Variants in ADAM23 observed in about 807,000 individuals in gnomAD.
ADAM23 encodes disintegrin and metalloproteinase domain-containing protein 23.
A neutral mutation model predicts 120.1 loss-of-function variants in ADAM23; 33 were observed. That is an observed-to-expected ratio of 0.27 (90% CI 0.21 to 0.37). ADAM23 has a LOEUF of 0.37. Among genes scored for constraint, ADAM23 ranks in the 10% least tolerant of loss-of-function variants. The pLI is 1.00. For synonymous variants in ADAM23, 367 were observed against 375.2 expected (o/e 0.98, Z 0.25); for missense variants, 862 against 1,058.2 (o/e 0.81, Z 2.57).
intron 18 of ADAM23, among the ~76,000 whole-genome samples, chr2:206,579,645 T>A (rs770322384): frequency 7.9e-5 from 12 of 152,242 alleles, no homozygotes; most frequent in Admixed American, 6.5e-4. Flanking sequence ...TACAGTATAG[T>A]TTGAAATCAG....
chr2:206,607,651 A>G (rs935511029), intron 24 of ADAM23, among the ~76,000 whole-genome samples: 1 of 152,140 alleles, frequency 6.6e-6, no homozygotes, highest in Non-Finnish European at 1.5e-5. Context: ...AAGTCTGTGT[A>G]AGTGTATGTA....
chr2:206,529,494 G>T (rs1697007746), intron 3 of ADAM23, among the ~76,000 whole-genome samples: 1 of 152,050 alleles, frequency 6.6e-6, no homozygotes, highest in Admixed American at 6.6e-5. Flanking sequence ...GATCTTCTGG[G>T]CTCAAGCAAT....
At chr2:206,596,770 A>G (rs924790670) in intron 24 of ADAM23, among the ~76,000 whole-genome samples, 5 of 152,164 alleles carry the variant, frequency 3.3e-5, no homozygotes, top group African/African-American at 1.2e-4. Context: ...CGCAGATGAG[A>G]AGGCCCAGAC....
intron 3 of ADAM23, among the ~76,000 whole-genome samples, chr2:206,514,062 G>A (rs181149385): frequency 2.9e-4 from 44 of 152,296 alleles, no homozygotes; most frequent in Admixed American, 2.6e-3. Flanking sequence ...GGAGATGTAC[G>A]AGGTTAATGT....
chr2:206,467,268 T>C (rs1294982901), intron 2 of ADAM23, among the ~76,000 whole-genome samples: 1 of 152,206 alleles, frequency 6.6e-6, no homozygotes, highest in Non-Finnish European at 1.5e-5. Context: ...CAAAGTCTTT[T>C]CTGAGATAAC....
At chr2:206,502,853 T>G (rs2105894692) in intron 3 of ADAM23, among the ~76,000 whole-genome samples, 1 of 152,316 alleles carries the variant, frequency 6.6e-6, no homozygotes, top group African/African-American at 2.4e-5. Flanking sequence ...AAGGTCTGTC[T>G]GTAAACCTGT....
At chr2:206,486,403 C>A (rs2105882067) in intron 3 of ADAM23, among the ~76,000 whole-genome samples, 1 of 150,922 alleles carries the variant, frequency 6.6e-6, no homozygotes, top group African/African-American at 2.4e-5. Flanking sequence ...TTATTATCCA[C>A]TTTATTGAGG....
chr2:206,591,102 C>G (rs943100767), intron 21 of ADAM23, among the ~76,000 whole-genome samples: 10 of 152,038 alleles, frequency 6.6e-5, no homozygotes, highest in Non-Finnish European at 1.5e-4. Context: ...GAGGCTGAGG[C>G]GAGTGGATCG....
intron 9 of ADAM23, among the ~76,000 whole-genome samples, chr2:206,556,613 T>A (rs371368482): frequency 6.6e-6 from 1 of 152,210 alleles, no homozygotes. Context: ...AAGCAAAGCG[T>A]ACTACTCCTT....
At chr2:206,505,399 G>T (rs1303967102) in intron 3 of ADAM23, among the ~76,000 whole-genome samples, 1 of 152,110 alleles carries the variant, frequency 6.6e-6, no homozygotes, top group African/African-American at 2.4e-5. Context: ...TTCTCACATG[G>T]CTATAAAGAA....
At chr2:206,561,346 A>C (rs1697761796) in intron 12 of ADAM23, 134 bp downstream of exon 12, 3 of 750,080 alleles carry the variant, frequency 4.0e-6, no homozygotes, top group Non-Finnish European at 6.7e-6. Flanking sequence ...TGTTATTAAT[A>C]AATAGAACCC....
At chr2:206,588,206 G>A (rs1456132415) in intron 20 of ADAM23, 52 bp downstream of exon 20, 2 of 1,584,772 alleles carry the variant, frequency 1.3e-6, no homozygotes, top group Admixed American at 1.7e-5. Context: ...TCTCTTAATA[G>A]TGTTCTTCTC....
intron 4 of ADAM23, 47 bp from the exon 5 acceptor site, chr2:206,542,005 A>G (rs1330319285): frequency 6.3e-7 from 1 of 1,585,580 alleles, no homozygotes; most frequent in African/African-American, 1.3e-5. Flanking sequence ...CCAAAGAATT[A>G]ATCATAATGC....
chr2:206,586,182 G>T (rs1276636293), intron 18 of ADAM23, among the ~76,000 whole-genome samples: 1 of 152,200 alleles, frequency 6.6e-6, no homozygotes, highest in Non-Finnish European at 1.5e-5. Context: ...AGCAGATCAT[G>T]TTGAGCTTGG....
Position 206,444,025 on chromosome 2 carries a change from G to GC in ADAM23, c.161dup (p.Pro55SerfsTer23). On this transcript the variant is annotated frameshift_variant, in exon 1 of 26. Coordinates refer to ENST00000264377, the MANE Select transcript of ADAM23 (RefSeq NM_003812.4). LOFTEE classifies it high-confidence loss of function. The stretch of plus-strand genomic sequence containing the variant: ...GCCTGCTTCTCGTCCTTCTCCTGCT[G>GC]CCTCCGCTCGCCGCCTCGTCCCGGC... 1.4e-6 allele frequency: 2 copies of GC among 1,411,152 alleles called. No individual in the cohort carries two copies. The highest frequency in any genetic ancestry group is 1.9e-6 in the Non-Finnish European group (2 of 1,078,990). The allele number at this position is 1,411,152 out of a possible 1,614,324, so 87.4% of individuals were successfully genotyped here. A position where few individuals can be genotyped will look rare whatever the true frequency, so the allele number is the denominator to read the frequency against.
chr2:206,461,527 G>A (rs1464861766), intron 2 of ADAM23, among the ~76,000 whole-genome samples: 1 of 152,114 alleles, frequency 6.6e-6, no homozygotes, highest in Non-Finnish European at 1.5e-5. Flanking sequence ...AAATAAGGAG[G>A]TTGGGTTAGA....
chr2:206,605,705 A>G (rs536155460), intron 24 of ADAM23: 1 of 682,988 alleles, frequency 1.5e-6, no homozygotes, highest in African/African-American at 1.8e-5. Context: ...CTTTCAAAGC[A>G]TGTCCTGAAT....
At chr2:206,584,890 GA>G (rs1470611993) in intron 18 of ADAM23, among the ~76,000 whole-genome samples, 1 of 152,180 alleles carries the variant, frequency 6.6e-6, no homozygotes, top group Non-Finnish European at 1.5e-5. Flanking sequence ...GCTGCTCGGG[GA>G]CCCAGTGAAC....
chr2:206,600,454 A>G (rs1042422964), intron 24 of ADAM23, among the ~76,000 whole-genome samples: 3 of 152,194 alleles, frequency 2.0e-5, no homozygotes, highest in Non-Finnish European at 4.4e-5. Context: ...AATTCAAGAA[A>G]CATAATGAAA....
Sources: allele counts gnomAD v4.1 joint callset (sites outside exome capture counted in the v4.1 genomes callset), GRCh38; gene constraint gnomAD v4.1.1; transcripts MANE v1.5; gene names NCBI Gene and HGNC (gene_info 2026-07-23, HGNC 2026-07-21).